UBE2E1: variants seen among roughly 807,000 people sequenced by gnomAD.
The protein encoded by UBE2E1 is ubiquitin-conjugating enzyme E2 E1.
In UBE2E1, 6 loss-of-function variants were observed where a neutral mutation model predicts 21.4. The observed-to-expected ratio is 0.28, with a 90% CI of 0.15 to 0.55. The LOEUF is 0.55. Ranked by LOEUF, UBE2E1 falls within the 20% of genes least tolerant of loss-of-function variation. The probability of loss-of-function intolerance (pLI) is 0.93; values close to 1 mark genes in which losing one functional copy is unlikely to be tolerated. For missense variants in UBE2E1, 142 were observed against 236.5 expected (o/e 0.60, Z 2.62); for synonymous variants, 87 against 82.7 (o/e 1.05, Z -0.28).
chr3:23,835,537 C>A (rs928078876), intron 3 of UBE2E1, among the ~76,000 whole-genome samples: 1 of 151,930 alleles, frequency 6.6e-6, no homozygotes, highest in Non-Finnish European at 1.5e-5. Flanking sequence ...AGGGGAGGTT[C>A]CCACACCTGC....
intron 3 of UBE2E1, among the ~76,000 whole-genome samples, chr3:23,830,880 A>G (rs1343747297): frequency 6.6e-6 from 1 of 152,188 alleles, no homozygotes; most frequent in Non-Finnish European, 1.5e-5. Context: ...GTTTTGTTCT[A>G]AGGACTTTGA....
chr3:23,863,501 C>A lies in UBE2E1; in HGVS notation c.204-24066C>A, dbSNP rs912714872. On this transcript the variant is annotated intron_variant, in intron 3 of 5. Transcript: ENST00000306627. This position sits in a 1 kb window ranked among gnomAD's most constrained non-coding sequence, Gnocchi z 4.3. ...TATCTAAAAGTCCTCAAAAGACATTCAGATGCATAGGTTTTATATAAATTT... is the reference window on the plus strand; with the variant it reads ...TATCTAAAAGTCCTCAAAAGACATTAAGATGCATAGGTTTTATATAAATTT... Among the ~76,000 whole-genome samples, 1 of 152,106 alleles carries A rather than the reference C, an allele frequency of 6.6e-6. No individual in the cohort carries two copies. Among genetic ancestry groups the A allele is most frequent in the Non-Finnish European group, 1.5e-5 (1 of 68,032 alleles).
chr3:23,862,070 G>A (rs557399898), intron 3 of UBE2E1, among the ~76,000 whole-genome samples: 270 of 152,282 alleles, frequency 1.8e-3, no homozygotes, highest in African/African-American at 6.0e-3. Context: ...TGGGGTCGGC[G>A]CCTCACAGCC....
At chr3:23,860,604 T>C (rs1013652748) in intron 3 of UBE2E1, among the ~76,000 whole-genome samples, 1 of 152,222 alleles carries the variant, frequency 6.6e-6, no homozygotes, top group Non-Finnish European at 1.5e-5. Flanking sequence ...TCCTGGCTCT[T>C]AACAACAAGC....
rs1313084280 is a variant in UBE2E1 at position 23,842,858 on chromosome 3, A to T, written c.203+31348A>T. Among the ~76,000 whole-genome samples, 1 of 152,130 alleles carries T rather than the reference A, an allele frequency of 6.6e-6. No individual in the cohort carries two copies. Among genetic ancestry groups the T allele is most frequent in the East Asian group, 1.9e-4 (1 of 5,202 alleles). On this transcript the variant is annotated intron_variant, in intron 3 of 5. Transcript: ENST00000306627. The surrounding 1 kb of genome is among the most constrained non-coding windows in gnomAD (Gnocchi z 4.6). ...ATGTTCAAAAGATCAAATTTTCCAT[A>T]TCTCTGTAATCTAACTATAACCTCT...
chr3:23,886,091 C>T (rs1701176821), intron 3 of UBE2E1, among the ~76,000 whole-genome samples: 1 of 152,014 alleles, frequency 6.6e-6, no homozygotes, highest in Non-Finnish European at 1.5e-5. Context: ...GTCTCGGCTA[C>T]TCAGGTGGCT....
intron 3 of UBE2E1, among the ~76,000 whole-genome samples, chr3:23,856,749 G>A (rs1341336335): frequency 2.0e-5 from 3 of 152,156 alleles, no homozygotes; most frequent in Non-Finnish European, 4.4e-5. Context: ...TGAGAGGGGA[G>A]TTCAGAGGTT....
chr3:23,838,927 C>T lies in UBE2E1; in HGVS notation c.203+27417C>T, dbSNP rs72627013. On this transcript the variant is annotated intron_variant, in intron 3 of 5. Coordinates refer to ENST00000306627, the MANE Select transcript of UBE2E1 (RefSeq NM_003341.5). ...TTAATTAATTTCTCTTCTGTATTAC[C>T]AGCTATAACTTTTTTTGTTTGTTTT... Among the ~76,000 whole-genome samples, 428 of 147,496 alleles carry T rather than the reference C, an allele frequency of 2.9e-3. 10 individuals are homozygous for T. In the East Asian group the frequency reaches 0.045, roughly 15 times the overall value.
chr3:23,807,369 A>G lies in UBE2E1; in HGVS notation c.100A>G (p.Ser34Gly), dbSNP rs1254906556. 6.2e-7 allele frequency: 1 copy of G among 1,613,808 alleles called. No homozygotes were observed. Among genetic ancestry groups the G allele is most frequent in the South Asian group, 1.1e-5 (1 of 91,030 alleles). The change falls in exon 2 of 6, where the codon AGT becomes GGT. Residue 34 changes from serine (S) to glycine (G), a missense_variant. This residue lies in a region of UBE2E1 where 55 missense variants were observed against 51.5 expected (regional missense o/e 1.07). Transcript: ENST00000306627. ...KETNTPKKKESKVSMSKNSKL... is the reference protein window; with the variant it reads ...KETNTPKKKEGKVSMSKNSKL... Reference sequence around the variant, plus strand: ...AACAAACACCCCCAAGAAGAAGGAGAGTAAAGTCAGCATGAGCAAAAACTC... The same window carrying G: ...AACAAACACCCCCAAGAAGAAGGAGGGTAAAGTCAGCATGAGCAAAAACTC...
chr3:23,863,657 A>G lies in UBE2E1; in HGVS notation c.204-23910A>G, dbSNP rs546707717. Among the ~76,000 whole-genome samples, 62 of 152,182 alleles carry G rather than the reference A, an allele frequency of 4.1e-4. No homozygotes were observed. The South Asian group carries it at 0.013, about 32-fold the overall frequency. On this transcript the variant is annotated intron_variant, in intron 3 of 5. Transcript: ENST00000306627. This position sits in a 1 kb window ranked among gnomAD's most constrained non-coding sequence, Gnocchi z 4.3. ...GTGATTCTGCTGCCTCAGCCTCCCA[A>G]GTAGCTGAGATTACAGGCATGCGCC...
At chr3:23,839,849 T>C (rs370781218) in intron 3 of UBE2E1, among the ~76,000 whole-genome samples, 1 of 152,320 alleles carries the variant, frequency 6.6e-6, no homozygotes, top group African/African-American at 2.4e-5. Context: ...TCTGGCTACT[T>C]TTAAGAATTA....
At chr3:23,888,744 G>A (rs774708366) in intron 4 of UBE2E1, among the ~76,000 whole-genome samples, 7 of 152,206 alleles carry the variant, frequency 4.6e-5, no homozygotes, top group Non-Finnish European at 7.3e-5. Context: ...CAGTTTTTAA[G>A]AGGTATTTAT....
chr3:23,862,788 C>T (rs1700582901), intron 3 of UBE2E1, among the ~76,000 whole-genome samples: 1 of 152,082 alleles, frequency 6.6e-6, no homozygotes, highest in South Asian at 2.1e-4. Flanking sequence ...TGTAGTGGTG[C>T]CATCACGGCT....
At chr3:23,872,246 G>C (rs1023000804) in intron 3 of UBE2E1, among the ~76,000 whole-genome samples, 1 of 152,080 alleles carries the variant, frequency 6.6e-6, no homozygotes, top group Non-Finnish European at 1.5e-5. Context: ...GGCGGCGCGC[G>C]CCTGCAATCA....
rs1325995944 is a variant in UBE2E1, at chr3:23,823,540, A to G, written c.203+12030A>G. Among the ~76,000 whole-genome samples, 4 of 152,206 alleles carry G rather than the reference A, an allele frequency of 2.6e-5. No individual in the cohort carries two copies. Among genetic ancestry groups the G allele is most frequent in the East Asian group, 1.9e-4 (1 of 5,204 alleles). On this transcript the variant is annotated intron_variant, in intron 3 of 5. Transcript: ENST00000306627. This position sits in a 1 kb window ranked among gnomAD's most constrained non-coding sequence, Gnocchi z 4.2. ...TCCTCCTCTATGGGGGTACATCTCA[A>G]TTTTTAAGTTAATATATTAGAATTG... is the stretch of plus-strand genomic sequence containing the variant.
rs1393545342 is a variant in UBE2E1 at position 23,836,597 on chromosome 3, G to A, written c.203+25087G>A. ...GGCTTTTCTTGGAAGTTTTAGAGCTGAAAGGGAACTTAGATCTAGTTCAGT... is the reference window on the plus strand; with the variant it reads ...GGCTTTTCTTGGAAGTTTTAGAGCTAAAAGGGAACTTAGATCTAGTTCAGT... On this transcript the variant is annotated intron_variant, in intron 3 of 5. Coordinates refer to ENST00000306627, the MANE Select transcript of UBE2E1 (RefSeq NM_003341.5). The surrounding 1 kb of genome is among the most constrained non-coding windows in gnomAD (Gnocchi z 4.1). Among the ~76,000 whole-genome samples the A allele has an allele frequency of 6.6e-6, 1 of 152,172 alleles. No individual in the cohort carries two copies. The highest frequency in any genetic ancestry group is 1.5e-5 in the Non-Finnish European group (1 of 68,032).
intron 3 of UBE2E1, among the ~76,000 whole-genome samples, chr3:23,878,498 C>T (rs557561519): frequency 2.6e-5 from 4 of 152,246 alleles, no homozygotes; most frequent in Non-Finnish European, 5.9e-5. Context: ...TTAGGAACCA[C>T]GCACATAACA....
chr3:23,861,399 A>G (rs1700553685), intron 3 of UBE2E1, among the ~76,000 whole-genome samples: 1 of 151,796 alleles, frequency 6.6e-6, no homozygotes, highest in Non-Finnish European at 1.5e-5. Context: ...CTGTTACCTC[A>G]CTCCTGATAC....
At chr3:23,869,350 C>CTT (rs1700727121) in intron 3 of UBE2E1, among the ~76,000 whole-genome samples, 1 of 64,052 alleles carries the variant, frequency 1.6e-5, no homozygotes, top group Non-Finnish European at 2.9e-5. Context: ...TTTATGGTAT[C>CTT]CTTTTTTTTT....
Sources: allele counts gnomAD v4.1 joint callset (sites outside exome capture counted in the v4.1 genomes callset), GRCh38; gene constraint gnomAD v4.1.1; regional missense constraint gnomAD v4.1.1; non-coding constraint Gnocchi (gnomAD v3.1); transcripts MANE v1.5; gene names NCBI Gene and HGNC (gene_info 2026-07-23, HGNC 2026-07-21).